LIPC: variants seen among roughly 807,000 people sequenced by gnomAD.
LIPC encodes the protein hepatic triacylglycerol lipase.
In LIPC, 44 loss-of-function variants were observed where a neutral mutation model predicts 50.7. That is an observed-to-expected ratio of 0.87 (90% CI 0.68 to 1.11). LIPC has a LOEUF of 1.11. Ranked by LOEUF, LIPC falls within the 50% of genes most tolerant of loss-of-function variation. LIPC has a pLI of 0.00. For missense variants in LIPC, 697 were observed against 648.2 expected, an observed-to-expected ratio of 1.08 and a Z score of -0.82; for synonymous variants, 271 against 256.4, an observed-to-expected ratio of 1.06 and a Z score of -0.54.
chr15:58,561,220 G>C (rs753537034), intron 7 of LIPC, among the ~76,000 whole-genome samples: 1 of 152,196 alleles, frequency 6.6e-6, no homozygotes, highest in Non-Finnish European at 1.5e-5. Flanking sequence ...TCAGGCTACA[G>C]CTTGGTTTTA....
chr15:58,532,628 C>T (rs1224207049), intron 1 of LIPC, among the ~76,000 whole-genome samples: 1 of 152,162 alleles, frequency 6.6e-6, no homozygotes, highest in Non-Finnish European at 1.5e-5. Context: ...TGCCCAGTAC[C>T]AGCCAATACA....
At chr15:58,507,225 T>G (rs1022135082) in intron 1 of LIPC, among the ~76,000 whole-genome samples, 4 of 152,132 alleles carry the variant, frequency 2.6e-5, no homozygotes, top group African/African-American at 9.7e-5. Context: ...AGCTAAACTT[T>G]CCCTATCCTC....
intron 1 of LIPC, among the ~76,000 whole-genome samples, chr15:58,502,346 G>A (rs1406675603): frequency 6.6e-6 from 1 of 152,082 alleles, no homozygotes; most frequent in African/African-American, 2.4e-5. Flanking sequence ...GATGCACCTG[G>A]ACAGCAGGAT....
intron 1 of LIPC, among the ~76,000 whole-genome samples, chr15:58,458,306 C>A (rs1894210187): frequency 1.3e-5 from 2 of 152,190 alleles, no homozygotes; most frequent in Admixed American, 1.3e-4. Flanking sequence ...CAATGGACTT[C>A]CCCTGAGCAA....
intron 6 of LIPC, among the ~76,000 whole-genome samples, chr15:58,553,272 G>A (rs1159616506): frequency 6.6e-6 from 1 of 152,100 alleles, no homozygotes; most frequent in South Asian, 2.1e-4. Flanking sequence ...CATCTCCACC[G>A]CTCGCAGGCA....
Position 58,437,788 on chromosome 15 carries a change from G to A in LIPC, c.88+5668G>A, listed in dbSNP as rs77636609. 3.6e-3 allele frequency among the ~76,000 whole-genome samples: 542 copies of A among 152,316 alleles called. 4 individuals carry two copies. The highest frequency in any genetic ancestry group is 0.012 in the African/African-American group (502 of 41,570). On this transcript the variant is annotated intron_variant, in intron 1 of 8. Transcript: ENST00000299022. ...GGAGATGAAACTCATTCTTCCAAGA[G>A]TGCGTACTATTCTGGAATCAGCAGA...
At chr15:58,527,744 CA>C (rs1445087479) in intron 1 of LIPC, among the ~76,000 whole-genome samples, 1 of 152,202 alleles carries the variant, frequency 6.6e-6, no homozygotes, top group African/African-American at 2.4e-5. Context: ...CAATCCCTGA[CA>C]CATAGTAGGT....
At position 58,545,737 on chromosome 15, in the gene LIPC, A is replaced by G. The variant is rs777246707; in HGVS notation, c.575-5A>G. 46 of 1,613,724 alleles carry G rather than the reference A, an allele frequency of 2.9e-5. 1 individual carries two copies. The South Asian group carries it at 3.5e-4, about 12-fold the overall frequency. On this transcript the variant is annotated splice_region_variant and splice_polypyrimidine_tract_variant and intron_variant, in intron 4 of 8. Transcript: ENST00000299022. ...GCGTAACCCTTACCCCTGCTTTCCC[A>G]TTAGGGCTGGATGCCGCGGGACCTT...
intron 8 of LIPC, among the ~76,000 whole-genome samples, chr15:58,567,317 ATATG>A (rs1566955142): frequency 0.015 from 471 of 32,160 alleles, 6 homozygotes; most frequent in Middle Eastern, 0.041. Flanking sequence ...ATATATATGT[ATATG>A]TGTATATATA....
chr15:58,525,441 T>A (rs1892773797), intron 1 of LIPC, among the ~76,000 whole-genome samples: 1 of 152,220 alleles, frequency 6.6e-6, no homozygotes, highest in Non-Finnish European at 1.5e-5. Flanking sequence ...CTGAGCTCTG[T>A]CACTGGGGCT....
At chr15:58,543,978 T>C (rs907946239) in intron 4 of LIPC, among the ~76,000 whole-genome samples, 2 of 152,222 alleles carry the variant, frequency 1.3e-5, no homozygotes, top group Non-Finnish European at 2.9e-5. Flanking sequence ...TATAAAAGAA[T>C]TTCTTTTAAC....
chr15:58,545,629 G>T, intron 4 of LIPC, 113 bp from the exon 5 acceptor site: 1 of 902,980 alleles, frequency 1.1e-6, no homozygotes, highest in South Asian at 1.5e-5. Context: ...AGCCCTACGT[G>T]TTTCTTCTTC....
intron 1 of LIPC, 84 bp downstream of exon 1, chr15:58,432,204 T>G (rs748636387): frequency 2.8e-4 from 288 of 1,035,562 alleles, no homozygotes; most frequent in Non-Finnish European, 4.1e-4. Context: ...GGTTTCTGAC[T>G]GTATGGGACA....
intron 1 of LIPC, among the ~76,000 whole-genome samples, chr15:58,433,978 T>C (rs565331445): frequency 6.6e-6 from 1 of 152,282 alleles, no homozygotes; most frequent in Admixed American, 6.5e-5. Flanking sequence ...TGTCCTGTGG[T>C]GGAGCCCTTG....
intron 1 of LIPC, among the ~76,000 whole-genome samples, chr15:58,466,742 A>G (rs1894577925): frequency 6.6e-6 from 1 of 152,228 alleles, no homozygotes; most frequent in African/African-American, 2.4e-5. Flanking sequence ...ATGACCCCAT[A>G]AGACCTTCCA....
chr15:58,464,541 T>A (rs776231184), intron 1 of LIPC, among the ~76,000 whole-genome samples: 1 of 152,262 alleles, frequency 6.6e-6, no homozygotes, highest in Non-Finnish European at 1.5e-5. Context: ...TTGCTATTCA[T>A]CACAGCTTAT....
At chr15:58,476,123 A>G (rs976598095) in intron 1 of LIPC, among the ~76,000 whole-genome samples, 2 of 152,242 alleles carry the variant, frequency 1.3e-5, no homozygotes, top group Non-Finnish European at 2.9e-5. Context: ...AGAAAAAGAT[A>G]CTGAGTCTTG....
At chr15:58,552,802 T>A (rs569909880) in intron 6 of LIPC, among the ~76,000 whole-genome samples, 3 of 152,284 alleles carry the variant, frequency 2.0e-5, no homozygotes, top group South Asian at 4.2e-4. Context: ...ATAAGGAGTG[T>A]CAAGAATCTT....
chr15:58,446,014 C>G (rs1478960525), intron 1 of LIPC, among the ~76,000 whole-genome samples: 2 of 152,126 alleles, frequency 1.3e-5, no homozygotes, highest in Non-Finnish European at 2.9e-5. Context: ...TCCATATTCC[C>G]TCCAGATAGA....
Sources: allele counts gnomAD v4.1 joint callset (sites outside exome capture counted in the v4.1 genomes callset), GRCh38; gene constraint gnomAD v4.1.1; transcripts MANE v1.5; gene names NCBI Gene and HGNC (gene_info 2026-07-23, HGNC 2026-07-21).